KIAA2012: variants seen among roughly 807,000 people sequenced by gnomAD.
KIAA2012 encodes the protein uncharacterized protein KIAA2012.
In KIAA2012, 125 loss-of-function variants were observed where a neutral mutation model predicts 150.6. The observed-to-expected ratio is 0.83, with a 90% CI of 0.72 to 0.96. KIAA2012 has a LOEUF of 0.96. KIAA2012 is among the 40% of genes least tolerant of loss of function. The probability of loss-of-function intolerance (pLI) is 0.00; values close to 1 mark genes in which losing one functional copy is unlikely to be tolerated. For missense variants in KIAA2012, 1,219 were observed against 1,354.9 expected, an observed-to-expected ratio of 0.90 and a Z score of 1.57; for synonymous variants, 462 against 504.7, an observed-to-expected ratio of 0.92 and a Z score of 1.13.
chr2:202,178,971 G>A (rs1244188893), intron 15 of KIAA2012: 9 of 282,116 alleles, frequency 3.2e-5, no homozygotes, highest in Admixed American at 5.0e-5. Flanking sequence ...AATAATGGGT[G>A]AACTTTTTCT....
chr2:202,085,041 AAGTG>A (rs1689530608), intron 2 of KIAA2012, among the ~76,000 whole-genome samples: 1 of 152,156 alleles, frequency 6.6e-6, no homozygotes, highest in Non-Finnish European at 1.5e-5. Flanking sequence ...AACAGGTTGG[AAGTG>A]AGTAAGTAGA....
intron 15 of KIAA2012, among the ~76,000 whole-genome samples, chr2:202,171,036 C>T (rs546801260): frequency 6.6e-6 from 1 of 152,100 alleles, no homozygotes; most frequent in African/African-American, 2.4e-5. Context: ...TGGATGTTAA[C>T]AGCTATCAAA....
At chr2:202,089,519 A>T (rs1689663505) in intron 2 of KIAA2012, among the ~76,000 whole-genome samples, 1 of 152,212 alleles carries the variant, frequency 6.6e-6, no homozygotes, top group African/African-American at 2.4e-5. Context: ...GCCCAGCTCC[A>T]CTTCTAACTG....
intron 4 of KIAA2012, 79 bp downstream of exon 4, chr2:202,093,264 C>T: frequency 7.0e-7 from 1 of 1,422,930 alleles, no homozygotes; most frequent in South Asian, 1.3e-5. Flanking sequence ...TGGCATTTCC[C>T]AAAACAAGGT....
chr2:202,132,219 A>G (rs748620215), intron 12 of KIAA2012, among the ~76,000 whole-genome samples: 19 of 152,130 alleles, frequency 1.2e-4, no homozygotes, highest in Non-Finnish European at 2.5e-4. Context: ...ATTTACGCCA[A>G]TGATGGTGGG....
chr2:202,081,891 T>C (rs1575000234), intron 2 of KIAA2012, among the ~76,000 whole-genome samples: 2 of 152,170 alleles, frequency 1.3e-5, no homozygotes, highest in Non-Finnish European at 1.5e-5. Context: ...TTGTAGTTCA[T>C]AAGCATGATG....
chr2:202,147,595 C>A (rs1415713568), intron 13 of KIAA2012, among the ~76,000 whole-genome samples: 6 of 152,220 alleles, frequency 3.9e-5, no homozygotes, highest in Non-Finnish European at 8.8e-5. Context: ...ACTCCATAGT[C>A]CGGCTGAATT....
intron 12 of KIAA2012, among the ~76,000 whole-genome samples, chr2:202,127,985 C>A (rs1690837364): frequency 6.6e-6 from 1 of 152,092 alleles, no homozygotes; most frequent in African/African-American, 2.4e-5. Flanking sequence ...TAGCCCCTGG[C>A]AACCACCATT....
intron 2 of KIAA2012, among the ~76,000 whole-genome samples, chr2:202,087,428 G>A (rs925144467): frequency 1.5e-5 from 2 of 136,624 alleles, no homozygotes; most frequent in Admixed American, 8.4e-5. Context: ...CAGGAGAATC[G>A]TTTGAACCCA....
intron 17 of KIAA2012, 78 bp downstream of exon 17, chr2:202,187,176 A>G (rs942253071): frequency 1.4e-6 from 2 of 1,457,662 alleles, no homozygotes; most frequent in East Asian, 2.5e-5. Flanking sequence ...AGTTGTATAG[A>G]TTGCTCACTA....
chr2:202,118,179 A>G (rs887329288), intron 11 of KIAA2012, among the ~76,000 whole-genome samples: 7 of 152,144 alleles, frequency 4.6e-5, no homozygotes, highest in African/African-American at 1.4e-4. Context: ...ATACAGGAAG[A>G]TAGGAGCCCC....
At chr2:202,189,997 G>A (rs1331605602) in intron 18 of KIAA2012, among the ~76,000 whole-genome samples, 177 bp from the exon 19 acceptor site, 5 of 151,906 alleles carry the variant, frequency 3.3e-5, no homozygotes, top group African/African-American at 4.8e-5. Context: ...AGCCGAGGTG[G>A]GAGGATCACA....
chr2:202,124,428 CT>C (rs1350830229), intron 11 of KIAA2012, among the ~76,000 whole-genome samples: 1 of 152,108 alleles, frequency 6.6e-6, no homozygotes, highest in Non-Finnish European at 1.5e-5. Flanking sequence ...GCCTGTCTGT[CT>C]TTTTGGCTAG....
intron 19 of KIAA2012, among the ~76,000 whole-genome samples, chr2:202,191,169 T>G (rs1692321925): frequency 6.6e-6 from 1 of 151,918 alleles, no homozygotes; most frequent in Non-Finnish European, 1.5e-5. Context: ...CCCAGCTACT[T>G]GGGAGGCTGA....
rs56207993 is a variant in KIAA2012, at chr2:202,086,167, CAA to C, written c.370-4585_370-4584del. On this transcript the variant is annotated intron_variant, in intron 2 of 23. Coordinates refer to ENST00000498697, the MANE Select transcript of KIAA2012 (RefSeq NM_001277372.4). ...TGGGTGAAAGACCGAAACTCTGTCT[CAA>C]AAAAAAAAAAAAAAAAAGAAAGAAA... Among the ~76,000 whole-genome samples, 11 of 90,130 alleles carry C rather than the reference CAA, an allele frequency of 1.2e-4. No individual in the cohort carries two copies. In the South Asian group the frequency reaches 3.2e-3, roughly 26 times the overall value. The allele number at this position is 90,130 out of a possible 152,430, so 59.1% of individuals were successfully genotyped here.
intron 15 of KIAA2012, among the ~76,000 whole-genome samples, 200 bp downstream of exon 15, chr2:202,165,556 T>G (rs1198209713): frequency 6.6e-6 from 1 of 152,126 alleles, no homozygotes; most frequent in African/African-American, 2.4e-5. Context: ...ACCCCATCTG[T>G]ACTAAAAATA....
intron 14 of KIAA2012, among the ~76,000 whole-genome samples, chr2:202,155,682 C>T (rs1691512616): frequency 6.6e-6 from 1 of 152,166 alleles, no homozygotes; most frequent in African/African-American, 2.4e-5. Context: ...TTGCGGAGTG[C>T]ATGATGGTGG....
At chr2:202,204,072 T>C (rs995255197) in intron 23 of KIAA2012, among the ~76,000 whole-genome samples, 1 of 66,342 alleles carries the variant, frequency 1.5e-5, no homozygotes, top group Non-Finnish European at 3.1e-5. Context: ...CCCAGCGGTT[T>C]TTTGTTTTTT....
intron 15 of KIAA2012, among the ~76,000 whole-genome samples, chr2:202,170,634 A>G (rs547045213): frequency 3.9e-5 from 6 of 152,228 alleles, no homozygotes; most frequent in Non-Finnish European, 8.8e-5. Flanking sequence ...GAGTGTGATC[A>G]GTGCTCTAAG....
Sources: gnomAD v4.1 joint callset for allele counts (sites outside exome capture counted in the v4.1 genomes callset) on GRCh38, gnomAD v4.1.1 for gene constraint, MANE v1.5 for transcripts, NCBI Gene and HGNC (gene_info 2026-07-23, HGNC 2026-07-21) for gene names.